Variants in GRTP1 observed in about 807,000 individuals in gnomAD.
The protein encoded by GRTP1 is growth hormone regulated TBC protein 1.
In GRTP1, 56 loss-of-function variants were observed where a neutral mutation model predicts 38.1. That is an observed-to-expected ratio of 1.47 (90% CI 1.19 to 1.84). GRTP1 has a LOEUF of 1.84. Ranked by LOEUF, GRTP1 falls within the 40% of genes most tolerant of loss-of-function variation. The pLI, the probability that GRTP1 is intolerant of heterozygous loss-of-function variation, is 0.00. For missense variants in GRTP1, 506 were observed against 453.9 expected, an observed-to-expected ratio of 1.11 and a Z score of -1.04; for synonymous variants, 217 against 189.5, an observed-to-expected ratio of 1.14 and a Z score of -1.19.
In GRTP1 at chr13:113,346,700, G is replaced by C. The variant is rs2043145519; in HGVS notation, c.466-1741C>G. 1.6e-3 allele frequency among the ~76,000 whole-genome samples: 2 copies of C among 1,256 alleles called. 1 individual carries two copies. The highest frequency in any genetic ancestry group is 0.011 in the African/African-American group (2 of 186). 0.8% of individuals were successfully genotyped at this position (1,256 alleles called of 152,430 possible). A position where few individuals can be genotyped will look rare whatever the true frequency, so the allele number is the denominator to read the frequency against. On this transcript the variant is annotated intron_variant, in intron 4 of 7. Transcript: ENST00000375431. ...GATCTGGGAGGACCTCTGTGGCAGA[G>C]AGCAGACCCGGGAGGACCTCTGTGG... is the stretch of plus-strand genomic sequence containing the variant.
At chr13:113,326,786 G>A (rs529651140) in intron 5 of GRTP1, among the ~76,000 whole-genome samples, 6 of 152,304 alleles carry the variant, frequency 3.9e-5, no homozygotes, top group East Asian at 1.9e-4. Context: ...GGCAACCCAC[G>A]TGTCCGTCGG....
In GRTP1 at chr13:113,348,231, C is replaced by G. The variant is rs893165314; in HGVS notation, c.465+2618G>C. On this transcript the variant is annotated intron_variant, in intron 4 of 7. Coordinates refer to ENST00000375431, the MANE Select transcript of GRTP1 (RefSeq NM_024719.4). This position sits in a 1 kb window ranked among gnomAD's most constrained non-coding sequence, Gnocchi z 4.8. ...CTGTGAGAGGTAGAGGCAGGAGGATCGCCTGAGCTCAGGAGTTCAAGACCA... is the reference window on the plus strand; with the variant it reads ...CTGTGAGAGGTAGAGGCAGGAGGATGGCCTGAGCTCAGGAGTTCAAGACCA... 6.6e-6 allele frequency among the ~76,000 whole-genome samples: 1 copy of G among 152,104 alleles called. No individual in the cohort carries two copies. Among genetic ancestry groups the G allele is most frequent in the African/African-American group, 2.4e-5 (1 of 41,414 alleles).
At chr13:113,335,126 T>C (rs1263313897) in intron 5 of GRTP1, among the ~76,000 whole-genome samples, 1 of 152,088 alleles carries the variant, frequency 6.6e-6, no homozygotes, top group Non-Finnish European at 1.5e-5. Context: ...TGGCCAAGTT[T>C]GTCTAATTCT....
chr13:113,327,581 C>T (rs903632606), intron 5 of GRTP1, among the ~76,000 whole-genome samples: 10 of 152,096 alleles, frequency 6.6e-5, no homozygotes, highest in African/African-American at 9.7e-5. Flanking sequence ...ACAGTGAAGT[C>T]GGTTTAATAG....
At chr13:113,328,556 G>A (rs2042809903) in intron 5 of GRTP1, among the ~76,000 whole-genome samples, 1 of 152,212 alleles carries the variant, frequency 6.6e-6, no homozygotes, top group South Asian at 2.1e-4. Context: ...GTCTCACTCT[G>A]TCGCCCAAGC....
intron 4 of GRTP1, among the ~76,000 whole-genome samples, chr13:113,347,441 T>A (rs80251078): frequency 3.3e-4 from 27 of 80,640 alleles, no homozygotes; most frequent in African/African-American, 1.3e-3. Flanking sequence ...CCTCTGTGGC[T>A]GAGAGCAGAC....
At chr13:113,346,227 A>AGC (rs2043124467) in intron 4 of GRTP1, among the ~76,000 whole-genome samples, 3 of 116,684 alleles carry the variant, frequency 2.6e-5, no homozygotes, top group Non-Finnish European at 5.5e-5. Context: ...TGTGGCTGAG[A>AGC]ACAGACCCGG....
rs184019471 is a variant in GRTP1, at chr13:113,327,755, G to A, written c.563-1664C>T. Among the ~76,000 whole-genome samples, 13 of 152,334 alleles carry A rather than the reference G, an allele frequency of 8.5e-5. No homozygotes were observed. The East Asian group carries it at 2.5e-3, about 29-fold the overall frequency. On this transcript the variant is annotated intron_variant, in intron 5 of 7. Transcript: ENST00000375431. ...TCTTAGCTGAGCACATACCGTTCCA[G>A]CTGGGGAGAGAGGGGTGAAGAACCA...
intron 5 of GRTP1, among the ~76,000 whole-genome samples, chr13:113,333,874 T>TGTGTG (rs33972835): frequency 7.4e-6 from 1 of 135,344 alleles, no homozygotes. Flanking sequence ...TGTGTGTGTG[T>TGTGTG]CCGAGGCTGG....
intron 5 of GRTP1, among the ~76,000 whole-genome samples, chr13:113,330,219 G>A: frequency 6.8e-6 from 1 of 147,476 alleles, no homozygotes; most frequent in Non-Finnish European, 1.5e-5. Context: ...GAGCCCAGGT[G>A]CGTGGATGGA....
At position 113,343,525 on chromosome 13, in the gene GRTP1, G is replaced by A. The variant is rs545326934; in HGVS notation, c.562+1338C>T. Among the ~76,000 whole-genome samples the A allele has an allele frequency of 3.5e-4, 53 of 152,154 alleles. No individual in the cohort carries two copies. The highest frequency in any genetic ancestry group is 5.7e-4 in the Non-Finnish European group (39 of 68,030). Reference sequence around the variant, plus strand: ...GATGCACTTGAGCTTTGCCCCATCCGTGAGGACACACACTATGGTCTGTGA... The same window carrying A: ...GATGCACTTGAGCTTTGCCCCATCCATGAGGACACACACTATGGTCTGTGA... On this transcript the variant is annotated intron_variant, in intron 5 of 7. Coordinates refer to ENST00000375431, the MANE Select transcript of GRTP1 (RefSeq NM_024719.4). The surrounding 1 kb of genome is among the most constrained non-coding windows in gnomAD (Gnocchi z 4.8).
At chr13:113,329,835 G>A (rs902127221) in intron 5 of GRTP1, among the ~76,000 whole-genome samples, 1 of 152,242 alleles carries the variant, frequency 6.6e-6, no homozygotes, top group Non-Finnish European at 1.5e-5. Context: ...CTCTTCTTCA[G>A]TATTAACACA....
In GRTP1 at chr13:113,348,461, C is replaced by G. The variant is rs1467437105; in HGVS notation, c.465+2388G>C. Among the ~76,000 whole-genome samples the G allele has an allele frequency of 1.3e-5, 2 of 152,114 alleles. No homozygotes were observed. Among genetic ancestry groups the G allele is most frequent in the African/African-American group, 4.8e-5 (2 of 41,420 alleles). ...GCGAGACCGTGTGCACTGTGTAACT[C>G]TACACATATGCCACACATTGAACTG... On this transcript the variant is annotated intron_variant, in intron 4 of 7. Coordinates refer to ENST00000375431, the MANE Select transcript of GRTP1 (RefSeq NM_024719.4). The surrounding 1 kb of genome is among the most constrained non-coding windows in gnomAD (Gnocchi z 4.8).
intron 5 of GRTP1, among the ~76,000 whole-genome samples, chr13:113,326,377 T>TGGGGGGGGGGGGGGGGGGGG (rs1298880217): frequency 4.4e-4 from 1 of 2,252 alleles, no homozygotes; most frequent in African/African-American, 8.9e-4. Context: ...GGTGGCGCGG[T>TGGGGGGGGGGGGGGGGGGGG]GGGGGGGGGG....
chr13:113,332,381 C>CACACGTGCACACGCACGCCACACGT (rs2042888680), intron 5 of GRTP1, among the ~76,000 whole-genome samples: 2 of 61,138 alleles, frequency 3.3e-5, no homozygotes, highest in Non-Finnish European at 8.0e-5. Context: ...ACACCACACA[C>CACACGTGCACACGCACGCCACACGT]GCACACGCAC....
Position 113,325,984 on chromosome 13 carries a change from C to T in GRTP1, c.670G>A (p.Val224Met), listed in dbSNP as rs1434340482. 1 of 1,613,944 alleles carries T rather than the reference C, an allele frequency of 6.2e-7. No individual in the cohort carries two copies. Among genetic ancestry groups the T allele is most frequent in the Non-Finnish European group, 8.5e-7 (1 of 1,179,964 alleles). ...AVGALMERLG[V>M]LWTLLVSRWF... Reference sequence around the variant, plus strand: ...CGGGACACCAGCAGCGTCCACAGCACACCGAGACGCTCCATCAGGGCCCCC... The same window carrying T: ...CGGGACACCAGCAGCGTCCACAGCATACCGAGACGCTCCATCAGGGCCCCC... The change falls in exon 6 of 8, where the codon GTG becomes ATG. Residue 224 changes from valine (V) to methionine (M), a missense_variant. By Grantham distance (21) the Val-to-Met change is conservative. Coordinates refer to ENST00000375431, the MANE Select transcript of GRTP1 (RefSeq NM_024719.4).
At chr13:113,360,846 C>G (rs1448302912) in intron 2 of GRTP1, among the ~76,000 whole-genome samples, 8 of 152,200 alleles carry the variant, frequency 5.3e-5, no homozygotes, top group African/African-American at 1.9e-4. Flanking sequence ...CATGGTGGCT[C>G]ACGCCTGTCA....
chr13:113,325,045 G>A, intron 7 of GRTP1: 1 of 859,500 alleles, frequency 1.2e-6, no homozygotes, highest in East Asian at 1.1e-4. Context: ...GGCCAGGCTG[G>A]TCTTGAACTC....
intron 5 of GRTP1, among the ~76,000 whole-genome samples, chr13:113,334,806 G>C (rs1222884924): frequency 2.6e-5 from 4 of 152,234 alleles, no homozygotes; most frequent in African/African-American, 9.6e-5. Flanking sequence ...TTTAACTTCT[G>C]TAAGTTTGGC....
Sources: allele counts gnomAD v4.1 joint callset (sites outside exome capture counted in the v4.1 genomes callset), GRCh38; gene constraint gnomAD v4.1.1; non-coding constraint Gnocchi (gnomAD v3.1); transcripts MANE v1.5; gene names NCBI Gene and HGNC (gene_info 2026-07-23, HGNC 2026-07-21).